WDR49: variants seen among roughly 807,000 people sequenced by gnomAD.
WDR49 encodes the protein WD repeat domain 49, also known as cilia- and flagella-associated protein 337.
A neutral mutation model predicts 119.5 loss-of-function variants in WDR49; 107 were observed. The observed-to-expected ratio is 0.90, with a 90% CI of 0.77 to 1.05. The LOEUF (loss-of-function observed/expected upper bound fraction) is 1.05, where lower values mean the gene tolerates loss of function less well. Among genes scored for constraint, WDR49 ranks in the 50% least tolerant of loss-of-function variants. WDR49 has a pLI of 0.00. For synonymous variants in WDR49, 425 were observed against 418.8 expected, an observed-to-expected ratio of 1.01 and a Z score of -0.18; for missense variants, 1,240 against 1,220.5, an observed-to-expected ratio of 1.02 and a Z score of -0.24.
At chr3:167,580,250 A>G (rs780985961) in intron 7 of WDR49, among the ~76,000 whole-genome samples, 15 of 152,104 alleles carry the variant, frequency 9.9e-5, no homozygotes, top group Non-Finnish European at 1.9e-4. Flanking sequence ...CACTAAGTCC[A>G]CCTTCCATCT....
rs577567763 is a variant in WDR49 at position 167,576,107 on chromosome 3, C to A, written c.1320G>T (p.Arg440Ser). ...WDIQHQLSIQ[R>S]IACSFPKSQD... ...GACTTTTGGGGAAAGAACAAGCTAT[C>A]CTCTGGATGGACAGCTGGTGTTGAA... is the stretch of plus-strand genomic sequence containing the variant. Residue 440 changes from arginine to serine, a missense_variant, in exon 8 of 19, where the codon AGG (arginine) becomes AGT (serine). Arg to Ser is a moderately radical substitution (Grantham distance 110). Coordinates refer to ENST00000682715, the MANE Select transcript of WDR49 (RefSeq NM_001366157.1). The A allele has an allele frequency of 1.9e-6, 3 of 1,614,088 alleles. No individual in the cohort carries two copies. The Middle Eastern group carries it at 4.9e-4, about 266-fold the overall frequency.
At chr3:167,493,769 T>C (rs1189281517) in intron 18 of WDR49, among the ~76,000 whole-genome samples, 1 of 152,224 alleles carries the variant, frequency 6.6e-6, no homozygotes, top group African/African-American at 2.4e-5. Context: ...TCACTTATTC[T>C]TTTTCCTTTC....
At chr3:167,594,655 C>T (rs1316789481) in intron 7 of WDR49, among the ~76,000 whole-genome samples, 1 of 152,094 alleles carries the variant, frequency 6.6e-6, no homozygotes, top group Admixed American at 6.6e-5. Flanking sequence ...CGGCCTTTGA[C>T]AAAATTCAAC....
At chr3:167,518,641 G>T (rs558185161) in intron 16 of WDR49, among the ~76,000 whole-genome samples, 2,335 of 151,442 alleles carry the variant, frequency 0.015, 24 homozygotes, top group Middle Eastern at 0.031. Flanking sequence ...TTAGCCCTTT[G>T]TCAGATGAGT....
chr3:167,574,563 T>C (rs1714132797), intron 8 of WDR49, among the ~76,000 whole-genome samples: 1 of 151,796 alleles, frequency 6.6e-6, no homozygotes, highest in Non-Finnish European at 1.5e-5. Flanking sequence ...TGTATAATGA[T>C]ACATCCTACA....
At chr3:167,614,769 C>T (rs1452992355) in intron 5 of WDR49, among the ~76,000 whole-genome samples, 1 of 152,148 alleles carries the variant, frequency 6.6e-6, no homozygotes, top group Non-Finnish European at 1.5e-5. Context: ...ATCATATTTG[C>T]TCATGTGTTT....
chr3:167,521,332 G>C (rs1752425616), intron 16 of WDR49, among the ~76,000 whole-genome samples: 1 of 152,120 alleles, frequency 6.6e-6, no homozygotes, highest in African/African-American at 2.4e-5. Context: ...GGTCATCAAA[G>C]AACCCTCAAC....
intron 5 of WDR49, among the ~76,000 whole-genome samples, chr3:167,615,966 T>C (rs1190163951): frequency 6.6e-6 from 1 of 152,222 alleles, no homozygotes; most frequent in East Asian, 1.9e-4. Flanking sequence ...TAGTTTTGAG[T>C]GCTTCAAAGT....
chr3:167,485,914 T>A (rs748480138), intron 18 of WDR49, among the ~76,000 whole-genome samples: 28 of 151,630 alleles, frequency 1.8e-4, no homozygotes, highest in Non-Finnish European at 3.2e-4. Flanking sequence ...CCTGGAAAGA[T>A]ACTATAAAAG....
chr3:167,508,593 C>G (rs910761655), intron 16 of WDR49, among the ~76,000 whole-genome samples: 12 of 152,140 alleles, frequency 7.9e-5, no homozygotes, highest in African/African-American at 2.9e-4. Flanking sequence ...GGAGTTCTAA[C>G]ACCCCCCTAC....
At chr3:167,507,779 T>C (rs1401964121) in intron 16 of WDR49, among the ~76,000 whole-genome samples, 2 of 152,146 alleles carry the variant, frequency 1.3e-5, no homozygotes, top group African/African-American at 4.8e-5. Flanking sequence ...AGTCAGACGG[T>C]AGGAGAGAAT....
At chr3:167,569,532 T>C (rs983777792) in intron 8 of WDR49, among the ~76,000 whole-genome samples, 7 of 152,132 alleles carry the variant, frequency 4.6e-5, no homozygotes, top group Non-Finnish European at 8.8e-5. Flanking sequence ...AATATATTCA[T>C]TTTTAAAAAT....
At chr3:167,650,282 A>G (rs1474430985) in intron 2 of WDR49, among the ~76,000 whole-genome samples, 1 of 152,202 alleles carries the variant, frequency 6.6e-6, no homozygotes, top group Admixed American at 6.5e-5. Context: ...AATATGGTTG[A>G]CATCAAAATA....
intron 16 of WDR49, among the ~76,000 whole-genome samples, chr3:167,509,000 T>A (rs1291585655): frequency 6.6e-6 from 1 of 152,222 alleles, no homozygotes; most frequent in East Asian, 1.9e-4. Context: ...ACATGGAATT[T>A]AAAACATCAT....
chr3:167,645,562 T>C (rs1010803292), intron 2 of WDR49, among the ~76,000 whole-genome samples: 1 of 152,132 alleles, frequency 6.6e-6, no homozygotes, highest in Non-Finnish European at 1.5e-5. Context: ...TAAAAATAAA[T>C]GAAATTTTAT....
At chr3:167,645,135 G>T (rs1217309345) in intron 2 of WDR49, among the ~76,000 whole-genome samples, 1 of 151,752 alleles carries the variant, frequency 6.6e-6, no homozygotes, top group Non-Finnish European at 1.5e-5. Context: ...ATGCTAAGGG[G>T]GAAATTTCAT....
chr3:167,599,425 G>T (rs369149090), intron 7 of WDR49, among the ~76,000 whole-genome samples: 1 of 152,158 alleles, frequency 6.6e-6, no homozygotes, highest in Admixed American at 6.5e-5. Flanking sequence ...AAGGATTAAG[G>T]CTCTTCAGTC....
At chr3:167,549,432 T>C (rs1452820172) in intron 10 of WDR49, among the ~76,000 whole-genome samples, 3 of 152,220 alleles carry the variant, frequency 2.0e-5, no homozygotes, top group Non-Finnish European at 4.4e-5. Flanking sequence ...TTTGCATTTA[T>C]CCGATGGACA....
chr3:167,618,751 T>C (rs1002195633), intron 5 of WDR49, among the ~76,000 whole-genome samples: 5 of 152,186 alleles, frequency 3.3e-5, no homozygotes, highest in African/African-American at 1.2e-4. Context: ...CTGCTAATAC[T>C]AAACTAAATT....
Sources: allele counts gnomAD v4.1 joint callset (sites outside exome capture counted in the v4.1 genomes callset), GRCh38; gene constraint gnomAD v4.1.1; transcripts MANE v1.5; gene names NCBI Gene and HGNC (gene_info 2026-07-23, HGNC 2026-07-21).